Variants in SLC12A1 observed in about 807,000 individuals in gnomAD.
The protein encoded by SLC12A1 is solute carrier family 12 member 1.
A neutral mutation model predicts 130.4 loss-of-function variants in SLC12A1; 89 were observed. The ratio of observed to expected loss-of-function variants is 0.68; its 90% CI spans 0.58 to 0.81. SLC12A1 has a LOEUF of 0.81. Among genes scored for constraint, SLC12A1 ranks in the 40% least tolerant of loss-of-function variants. The pLI is 0.00. For synonymous variants in SLC12A1, 499 were observed against 460.0 expected, an observed-to-expected ratio of 1.08 and a Z score of -1.09; for missense variants, 1,310 against 1,336.4, an observed-to-expected ratio of 0.98 and a Z score of 0.31.
rs534807084 is a variant in SLC12A1 at position 48,263,906 on chromosome 15, T to A, written c.2155-3655T>A. 5.3e-5 allele frequency among the ~76,000 whole-genome samples: 8 copies of A among 152,246 alleles called. No homozygotes were observed. In the East Asian group the frequency reaches 1.5e-3, roughly 29 times the overall value. ...CAGGGTTTTGCCATGTTGCCCAGGC[T>A]GGTCTCCAACTCCTGGGCTCAAGCG... On this transcript the variant is annotated intron_variant, in intron 17 of 26. Coordinates refer to ENST00000380993, the MANE Select transcript of SLC12A1 (RefSeq NM_000338.3).
chr15:48,275,748 G>A (rs1280885518), intron 20 of SLC12A1, among the ~76,000 whole-genome samples: 3 of 152,280 alleles, frequency 2.0e-5, no homozygotes, highest in South Asian at 2.1e-4. Flanking sequence ...GTAGGAAGCC[G>A]ACAATAGTAA....
chr15:48,247,168 A>G (rs993837017), intron 12 of SLC12A1, among the ~76,000 whole-genome samples, 152 bp downstream of exon 12: 1 of 152,226 alleles, frequency 6.6e-6, no homozygotes, highest in Non-Finnish European at 1.5e-5. Context: ...TGTCTGCCAC[A>G]TAGTCAAGAT....
intron 15 of SLC12A1, among the ~76,000 whole-genome samples, chr15:48,252,155 A>G (rs2041655964): frequency 6.6e-6 from 1 of 151,830 alleles, no homozygotes. Flanking sequence ...GTGAGCCGAG[A>G]TCACACCACT....
chr15:48,211,996 A>T (rs559127621), intron 2 of SLC12A1, among the ~76,000 whole-genome samples: 1 of 152,306 alleles, frequency 6.6e-6, no homozygotes, highest in South Asian at 2.1e-4. Flanking sequence ...CAGGAGAAAC[A>T]ACTGTCCTTT....
intron 9 of SLC12A1, chr15:48,235,351 A>C (rs1567314636): frequency 1.3e-5 from 4 of 305,000 alleles, no homozygotes; most frequent in East Asian, 7.7e-5. Flanking sequence ...AAAGTAAAAA[A>C]AAAACAAAAC....
chr15:48,260,487 G>A (rs988415315), intron 17 of SLC12A1, among the ~76,000 whole-genome samples: 5 of 151,670 alleles, frequency 3.3e-5, no homozygotes, highest in African/African-American at 1.2e-4. Flanking sequence ...TTTTCTTATT[G>A]GAGCCACACA....
At chr15:48,274,692 A>G in intron 20 of SLC12A1, 39 bp downstream of exon 20, 4 of 1,402,396 alleles carry the variant, frequency 2.9e-6, no homozygotes, top group Non-Finnish European at 4.0e-6. Flanking sequence ...GTATTTATTG[A>G]GCACCTACTT....
At chr15:48,227,228 A>G in intron 5 of SLC12A1, 1 of 1,165,540 alleles carries the variant, frequency 8.6e-7, no homozygotes, top group Non-Finnish European at 1.3e-6. Context: ...TAATGTCTGG[A>G]GTTAATTTAC....
chr15:48,287,792 AAT>A, intron 21 of SLC12A1, among the ~76,000 whole-genome samples: 1 of 152,328 alleles, frequency 6.6e-6, no homozygotes, highest in South Asian at 2.1e-4. Flanking sequence ...ATTGTCTTTT[AAT>A]AAAAACTATT....
chr15:48,249,793 T>C lies in SLC12A1; in HGVS notation c.1786+117T>C, dbSNP rs927927102. Reference sequence around the variant, plus strand: ...GTTTATATGTTTCCTTATATCCTAGTGGGAAGCGTAATCCACTTTATTTTG... The same window carrying C: ...GTTTATATGTTTCCTTATATCCTAGCGGGAAGCGTAATCCACTTTATTTTG... On this transcript the variant is annotated intron_variant, in intron 14 of 26. Coordinates refer to ENST00000380993, the MANE Select transcript of SLC12A1 (RefSeq NM_000338.3). The C allele has an allele frequency of 9.6e-5, 71 of 739,046 alleles. 1 individual carries two copies. In the South Asian group the frequency reaches 1.2e-3, roughly 12 times the overall value. 45.8% of individuals were successfully genotyped at this position (739,046 alleles called of 1,614,324 possible).
chr15:48,295,203 C>A (rs1428542684), intron 24 of SLC12A1, among the ~76,000 whole-genome samples: 2 of 152,012 alleles, frequency 1.3e-5, no homozygotes, highest in Non-Finnish European at 2.9e-5. Context: ...AGCCACCACA[C>A]CTGGCCTCAC....
At position 48,244,864 on chromosome 15, in the gene SLC12A1, G is replaced by A. The variant is rs369307402; in HGVS notation, c.1412G>A (p.Arg471Gln). 13 of 1,613,910 alleles carry A rather than the reference G, an allele frequency of 8.1e-6. No homozygotes were observed. Among genetic ancestry groups the A allele is most frequent in the East Asian group, 4.5e-5 (2 of 44,880 alleles). Residue 471 changes from arginine (R) to glutamine (Q), a missense_variant, in exon 11 of 27, where the codon CGA (arginine) becomes CAA (glutamine). Coordinates refer to ENST00000380993, the MANE Select transcript of SLC12A1 (RefSeq NM_000338.3). ...TTGGGCTATGACTTCTCAAGATGTC[G>A]ACATGAACCATGTCAGTACGGGCTG... ...CGLGYDFSRC[R>Q]HEPCQYGLMN...
chr15:48,265,843 T>C (rs1452845250), intron 17 of SLC12A1, among the ~76,000 whole-genome samples: 2 of 152,166 alleles, frequency 1.3e-5, no homozygotes, highest in African/African-American at 4.8e-5. Flanking sequence ...GTGCCATATA[T>C]GTAATTTAAA....
At chr15:48,267,068 G>A (rs1365964757) in intron 17 of SLC12A1, among the ~76,000 whole-genome samples, 1 of 152,126 alleles carries the variant, frequency 6.6e-6, no homozygotes, top group African/African-American at 2.4e-5. Context: ...AAAAAGCAAC[G>A]CATCAGCCAA....
chr15:48,246,054 A>G (rs2041576421), intron 11 of SLC12A1, among the ~76,000 whole-genome samples: 1 of 152,260 alleles, frequency 6.6e-6, no homozygotes, highest in South Asian at 2.1e-4. Context: ...ATTTGTCGCG[A>G]AAGCTTCATT....
chr15:48,251,808 T>A, intron 15 of SLC12A1, 38 bp downstream of exon 15: 1 of 1,577,930 alleles, frequency 6.3e-7, no homozygotes, highest in Non-Finnish European at 8.7e-7. Context: ...TTTCCAAATC[T>A]CTCTCTAACT....
intron 4 of SLC12A1, chr15:48,225,552 C>T (rs993769567): frequency 2.6e-5 from 4 of 152,072 alleles, no homozygotes; most frequent in Non-Finnish European, 5.9e-5. Flanking sequence ...AATAGCAAGA[C>T]TGTCTCTAAA....
rs144096603 is a variant in SLC12A1, at chr15:48,302,084, G to A, written c.3165-666G>A. Among the ~76,000 whole-genome samples, 708 of 152,268 alleles carry A rather than the reference G, an allele frequency of 4.6e-3. 8 individuals carry two copies. The highest frequency in any genetic ancestry group is 0.044 in the Middle Eastern group (13 of 294). ...GGTAGGGTTCCAATAGATGGTTTCT[G>A]AGGTTTTTCCCAAATATAAGATATT... On this transcript the variant is annotated intron_variant, in intron 26 of 26. Transcript: ENST00000380993.
Position 48,269,747 on chromosome 15 carries a change from C to A in SLC12A1, c.2385C>A (p.Asn795Lys). The change falls in exon 19 of 27, where the codon AAC (asparagine) becomes AAA (lysine). Residue 795 changes from asparagine (N) to lysine (K), a missense_variant. Physicochemically the swap from Asn to Lys is moderately conservative, Grantham distance 94. Transcript: ENST00000380993. ...WRKAPLTEIE[N>K]YVGIIHDAFD... is the part of the protein sequence containing the mutation. ...AAGCTCCCTTGACAGAGATTGAGAA[C>A]TACGTGGGAATCATACAGTAAGTGA... 6.3e-7 allele frequency: 1 copy of A among 1,595,104 alleles called. No individual in the cohort carries two copies. Among genetic ancestry groups the A allele is most frequent in the Non-Finnish European group, 8.6e-7 (1 of 1,163,184 alleles).
Sources: gnomAD v4.1 joint callset for allele counts (sites outside exome capture counted in the v4.1 genomes callset) on GRCh38, gnomAD v4.1.1 for gene constraint, MANE v1.5 for transcripts, NCBI Gene and HGNC (gene_info 2026-07-23, HGNC 2026-07-21) for gene names.